HPX: variants seen among roughly 807,000 people sequenced by gnomAD.
HPX encodes hemopexin.
Under a neutral mutation model 53.8 loss-of-function variants are expected in HPX, and 42 were observed. The ratio of observed to expected loss-of-function variants is 0.78; its 90% CI spans 0.61 to 1.01. The LOEUF is 1.01. Among genes scored for constraint, HPX ranks in the 50% least tolerant of loss-of-function variants. HPX has a pLI of 0.00. For missense variants in HPX, 547 were observed against 594.3 expected (o/e 0.92, Z 0.83); for synonymous variants, 229 against 221.1 (o/e 1.04, Z -0.32).
Position 6,431,438 on chromosome 11 carries a change from C to T in HPX, c.1162G>A (p.Gly388Arg), listed in dbSNP as rs1201717018. ...AGCTCTGTCCACGTGGCTTGGGCTC[C>T]TGACTTCAGGTCCAGCCACCACAGC... is the stretch of plus-strand genomic sequence containing the variant. ...RRLWWLDLKSGAQATWTELPW... is the reference protein window; with the variant it reads ...RRLWWLDLKSRAQATWTELPW... Residue 388 changes from glycine to arginine, a missense_variant, in exon 10 of 10, where the codon GGA (glycine) becomes AGA (arginine). Physicochemically the swap from Gly to Arg is moderately radical, Grantham distance 125. Transcript: ENST00000265983. 2.5e-6 allele frequency: 4 copies of T among 1,614,108 alleles called. No individual in the cohort carries two copies. In the African/African-American group the frequency reaches 4.0e-5, roughly 16 times the overall value.
Position 6,437,657 on chromosome 11 carries a change from G to A in HPX, c.491-5C>T, listed in dbSNP as rs768089592. On this transcript the variant is annotated splice_polypyrimidine_tract_variant and splice_region_variant and intron_variant, in intron 5 of 9. Coordinates refer to ENST00000265983, the MANE Select transcript of HPX (RefSeq NM_000613.3). ...CCCAGAACCACTCGCGGTCACCTTT[G>A]TCCAATCAATCAACAGGCATTTGGT... The A allele has an allele frequency of 6.2e-7, 1 of 1,613,042 alleles. No individual in the cohort carries two copies. The highest frequency in any genetic ancestry group is 1.1e-5 in the South Asian group (1 of 91,064).
chr11:6,433,423 C>T (rs916231781), intron 7 of HPX, among the ~76,000 whole-genome samples: 1 of 152,234 alleles, frequency 6.6e-6, no homozygotes, highest in African/African-American at 2.4e-5. Flanking sequence ...GTGATCCACT[C>T]GCCTTGGCCT....
At chr11:6,438,298 C>G in intron 5 of HPX, 58 bp downstream of exon 5, 1 of 1,546,910 alleles carries the variant, frequency 6.5e-7, no homozygotes, top group Non-Finnish European at 8.9e-7. Context: ...ACCATCACTA[C>G]TGGCATCACT....
chr11:6,433,991 C>T (rs1849382914), intron 7 of HPX, among the ~76,000 whole-genome samples: 1 of 152,206 alleles, frequency 6.6e-6, no homozygotes, highest in South Asian at 2.1e-4. Flanking sequence ...CACCTCTATC[C>T]CACTATCCTG....
chr11:6,439,029 G>A (rs1311675359), intron 4 of HPX, among the ~76,000 whole-genome samples: 1 of 152,084 alleles, frequency 6.6e-6, no homozygotes, highest in Non-Finnish European at 1.5e-5. Context: ...TGTAAAGAGT[G>A]CACTGAGAAT....
chr11:6,440,609 A>G lies in HPX; in HGVS notation c.142+63T>C, dbSNP rs377079918. On this transcript the variant is annotated intron_variant, in intron 2 of 9. Coordinates refer to ENST00000265983, the MANE Select transcript of HPX (RefSeq NM_000613.3). ...AAAAAAAAAAAAAAAAAAAACCAGA[A>G]GGTGATAAAATGCAGAGACACAACC... 355 of 1,291,492 alleles carry G rather than the reference A, an allele frequency of 2.7e-4. 1 individual carries two copies. In the East Asian group the frequency reaches 6.2e-3, roughly 23 times the overall value. 80.0% of individuals were successfully genotyped at this position (1,291,492 alleles called of 1,614,324 possible). A position where few individuals can be genotyped will look rare whatever the true frequency, so the allele number is the denominator to read the frequency against.
rs554181644 is a variant in HPX at position 6,435,204 on chromosome 11, G to A, written c.835+1842C>T. ...GCAGGAGGATCGCTTGAACCCAGGA[G>A]GCAGAGGTTGCAGTGAACCAAGATT... is the stretch of plus-strand genomic sequence containing the variant. On this transcript the variant is annotated intron_variant, in intron 7 of 9. Transcript: ENST00000265983. Among the ~76,000 whole-genome samples the A allele has an allele frequency of 2.0e-3, 311 of 152,226 alleles. 2 individuals are homozygous for A. The highest frequency in any genetic ancestry group is 3.5e-3 in the Non-Finnish European group (241 of 68,024).
chr11:6,440,910 C>T lies in HPX; in HGVS notation c.54G>A (p.Trp18Ter), dbSNP rs1356569171. The change falls in exon 1 of 10, where the codon TGG (tryptophan) becomes TGA (stop). Residue 18 changes from tryptophan to a stop codon, truncating the protein, a stop_gained. Coordinates refer to ENST00000265983, the MANE Select transcript of HPX (RefSeq NM_000613.3). LOFTEE classifies it high-confidence loss of function. Reference protein sequence around the residue: ...PVALGLWSLCWSLAIATPLPP... With the variant: ...PVALGLWSLC ...GAAGAGGGGTGGCAATGGCCAGAGA[C>T]CAGCATAGGCTCCACAACCCCAGTG... 1.2e-6 allele frequency: 2 copies of T among 1,612,916 alleles called. No homozygotes were observed. The highest frequency in any genetic ancestry group is 8.5e-7 in the Non-Finnish European group (1 of 1,179,442).
chr11:6,439,199 A>T (rs531139319), intron 4 of HPX, among the ~76,000 whole-genome samples: 1 of 152,312 alleles, frequency 6.6e-6, no homozygotes, highest in African/African-American at 2.4e-5. Flanking sequence ...GAGCCCAAAC[A>T]TGAGGAAGCA....
intron 7 of HPX, among the ~76,000 whole-genome samples, chr11:6,433,013 A>C (rs1298169497): frequency 2.6e-5 from 4 of 152,106 alleles, no homozygotes; most frequent in Admixed American, 2.6e-4. Context: ...GGCACCCAAA[A>C]CCTAATATGC....
chr11:6,438,590 G>T, intron 4 of HPX, 81 bp from the exon 5 acceptor site: 1 of 1,256,516 alleles, frequency 8.0e-7, no homozygotes, highest in Non-Finnish European at 1.1e-6. Context: ...TTTATCTACT[G>T]TGCTTATACG....
chr11:6,435,602 A>G (rs758197352), intron 7 of HPX, among the ~76,000 whole-genome samples: 9 of 152,066 alleles, frequency 5.9e-5, no homozygotes, highest in Non-Finnish European at 1.2e-4. Flanking sequence ...ACGCACTACC[A>G]CACCCGACTA....
Position 6,435,594 on chromosome 11 carries a change from G to A in HPX, c.835+1452C>T, listed in dbSNP as rs752523998. On this transcript the variant is annotated intron_variant, in intron 7 of 9. Transcript: ENST00000265983. ...CTGAAGTAGATGGGACTATAGGAAC[G>A]CACTACCACACCCGACTAATTTTTA... Among the ~76,000 whole-genome samples the A allele has an allele frequency of 8.6e-5, 13 of 151,936 alleles. No homozygotes were observed. The East Asian group carries it at 1.7e-3, about 20-fold the overall frequency.
In HPX at chr11:6,431,766, T is replaced by C; in HGVS notation, c.1004A>G (p.Tyr335Cys). 6.2e-7 allele frequency: 1 copy of C among 1,614,214 alleles called. No homozygotes were observed. Among genetic ancestry groups the C allele is most frequent in the Non-Finnish European group, 8.5e-7 (1 of 1,180,038 alleles). The change falls in exon 9 of 10, where the codon TAT becomes TGT. Residue 335 changes from tyrosine (Y) to cysteine (C), a missense_variant. Tyr to Cys is a radical substitution (Grantham distance 194). Transcript: ENST00000265983. ...CTTCGGATAACCGCTTACTAGGGTA[T>C]AGCCTCCCTTTGTCAGGAAGACATA... ...QVYVFLTKGG[Y>C]TLVSGYPKRL...
chr11:6,440,102 G>A (rs1849463672), intron 4 of HPX, 63 bp downstream of exon 4: 1 of 1,608,878 alleles, frequency 6.2e-7, no homozygotes, highest in East Asian at 2.2e-5. Context: ...CCATTTGGGG[G>A]AAGGGTCCCC....
At chr11:6,437,765 G>T in intron 5 of HPX, 113 bp from the exon 6 acceptor site, 1 of 761,696 alleles carries the variant, frequency 1.3e-6, no homozygotes, top group Non-Finnish European at 2.2e-6. Context: ...GGAGCTCACA[G>T]CCATCAGAGA....
In HPX at chr11:6,437,032, G is replaced by A. The variant is rs368341032; in HGVS notation, c.835+14C>T. On this transcript the variant is annotated intron_variant, in intron 7 of 9. Coordinates refer to ENST00000265983, the MANE Select transcript of HPX (RefSeq NM_000613.3). Reference sequence around the variant, plus strand: ...ATGTGAGAGCACATTGGGGGAGTTGGGGGCATCTCTCACCACTGAAGGCAT... The same window carrying A: ...ATGTGAGAGCACATTGGGGGAGTTGAGGGCATCTCTCACCACTGAAGGCAT... The A allele has an allele frequency of 6.8e-6, 11 of 1,613,218 alleles. No individual in the cohort carries two copies. The highest frequency in any genetic ancestry group is 1.3e-5 in the African/African-American group (1 of 74,922).
intron 1 of HPX, 47 bp downstream of exon 1, chr11:6,440,834 C>T (rs751657559): frequency 2.5e-6 from 4 of 1,604,646 alleles, no homozygotes; most frequent in East Asian, 4.5e-5. Context: ...CCTACCTTAC[C>T]CTAGCCCAGA....
chr11:6,440,786 C>G (rs1386270713), intron 1 of HPX, 56 bp from the exon 2 acceptor site: 2 of 1,593,866 alleles, frequency 1.3e-6, no homozygotes, highest in East Asian at 4.5e-5. Flanking sequence ...TTTCCCATAG[C>G]CCCTGACCCC....
Sources: gnomAD v4.1 joint callset for allele counts (sites outside exome capture counted in the v4.1 genomes callset) on GRCh38, gnomAD v4.1.1 for gene constraint, MANE v1.5 for transcripts, NCBI Gene and HGNC (gene_info 2026-07-23, HGNC 2026-07-21) for gene names.